The following CYTH3 variants were observed in gnomAD, a reference collection of about 807,000 sequenced individuals.
CYTH3 encodes the protein cytohesin-3.
CYTH3 carries 23 observed loss-of-function variants against 55.1 expected under a neutral mutation model. The observed-to-expected ratio is 0.42, with a 90% CI of 0.30 to 0.59. The LOEUF is 0.59. CYTH3 is among the 20% of genes least tolerant of loss of function. The probability of loss-of-function intolerance (pLI) is 0.20; values close to 1 mark genes in which losing one functional copy is unlikely to be tolerated. For synonymous variants in CYTH3, 249 were observed against 194.9 expected (o/e 1.28, Z -2.31); for missense variants, 413 against 524.8 (o/e 0.79, Z 2.08).
At chr7:6,272,414 C>CG in intron 1 of CYTH3, 60 bp downstream of exon 1, 1 of 483,202 alleles carries the variant, frequency 2.1e-6, no homozygotes, top group Non-Finnish European at 3.6e-6. Flanking sequence ...GCCCTCGACC[C>CG]CCAGCCCCCG....
chr7:6,232,199 G>A (rs1271665021), intron 1 of CYTH3, among the ~76,000 whole-genome samples: 2 of 152,050 alleles, frequency 1.3e-5, no homozygotes, highest in Non-Finnish European at 2.9e-5. Context: ...CACAATTCTG[G>A]TTATTGAAAC....
intron 1 of CYTH3, among the ~76,000 whole-genome samples, chr7:6,241,744 GGAAA>G (rs1336603243): frequency 6.6e-6 from 1 of 152,024 alleles, no homozygotes; most frequent in Non-Finnish European, 1.5e-5. Flanking sequence ...CAGTGGGGAG[GGAAA>G]GAAAGGGCTA....
chr7:6,199,085 G>A (rs554739685), intron 1 of CYTH3, among the ~76,000 whole-genome samples: 1 of 152,200 alleles, frequency 6.6e-6, no homozygotes, highest in Non-Finnish European at 1.5e-5. Flanking sequence ...AAGAAGGCAG[G>A]AAATCCTCCA....
At chr7:6,263,416 T>C (rs149730210) in intron 1 of CYTH3, among the ~76,000 whole-genome samples, 51 of 152,312 alleles carry the variant, frequency 3.3e-4, no homozygotes, top group African/African-American at 1.2e-3. Flanking sequence ...ATACTCTAGA[T>C]AAACTCACAT....
chr7:6,166,274 G>C (rs1783006066), intron 9 of CYTH3, among the ~76,000 whole-genome samples: 2 of 152,224 alleles, frequency 1.3e-5, no homozygotes, highest in Admixed American at 1.3e-4. Context: ...ACAAGATCTG[G>C]AGCACACGTG....
At chr7:6,261,797 T>C (rs763290511) in intron 1 of CYTH3, among the ~76,000 whole-genome samples, 9 of 150,562 alleles carry the variant, frequency 6.0e-5, no homozygotes, top group Non-Finnish European at 1.0e-4. Context: ...ATTATCTCTA[T>C]AATTTTTCAC....
chr7:6,272,410 G>GGGGGGGGGGGGGGCCCCC, intron 1 of CYTH3, 64 bp downstream of exon 1: 1 of 1,216,618 alleles, frequency 8.2e-7, no homozygotes, highest in Non-Finnish European at 1.1e-6. Context: ...CCGCGCCCTC[G>GGGGGGGGGGGGGGCCCCC]ACCCCCAGCC....
chr7:6,241,240 A>G (rs1219349229), intron 1 of CYTH3, among the ~76,000 whole-genome samples: 1 of 152,268 alleles, frequency 6.6e-6, no homozygotes, highest in Non-Finnish European at 1.5e-5. Context: ...GAAGTGGAAG[A>G]TAACATTTGC....
intron 1 of CYTH3, among the ~76,000 whole-genome samples, chr7:6,197,588 C>A (rs1004009006): frequency 6.6e-6 from 1 of 152,024 alleles, no homozygotes; most frequent in African/African-American, 2.4e-5. Context: ...GAGGGTGAAG[C>A]AGGAGAAATG....
At position 6,167,158 on chromosome 7, in the gene CYTH3, T is replaced by C. The variant is rs1728236541; in HGVS notation, c.824-1348A>G. Among the ~76,000 whole-genome samples the C allele has an allele frequency of 6.6e-6, 1 of 152,184 alleles. No homozygotes were observed. Among genetic ancestry groups the C allele is most frequent in the Non-Finnish European group, 1.5e-5 (1 of 68,032 alleles). ...CCCACAGCAAGGCCCAAAGTCCTTG[T>C]TGCCCTCGTGTCCCTGTCTCACCGC... On this transcript the variant is annotated intron_variant, in intron 9 of 12. Coordinates refer to ENST00000350796, the MANE Select transcript of CYTH3 (RefSeq NM_004227.4). This position sits in a 1 kb window ranked among gnomAD's most constrained non-coding sequence, Gnocchi z 5.5.
chr7:6,210,792 A>C (rs1784304174), intron 1 of CYTH3, among the ~76,000 whole-genome samples: 2 of 152,302 alleles, frequency 1.3e-5, no homozygotes, highest in Non-Finnish European at 2.9e-5. Flanking sequence ...CCTCCTCAGC[A>C]TCTTTAACTA....
chr7:6,184,167 T>C (rs1046230416), intron 4 of CYTH3, among the ~76,000 whole-genome samples: 1 of 147,148 alleles, frequency 6.8e-6, no homozygotes, highest in African/African-American at 2.5e-5. Context: ...TTCACGCCAT[T>C]CTCCTGCCTC....
At chr7:6,190,596 G>A (rs745501093) in intron 1 of CYTH3, 65 bp from the exon 2 acceptor site, 293 of 1,306,408 alleles carry the variant, frequency 2.2e-4, no homozygotes, top group Middle Eastern at 3.7e-4. Flanking sequence ...GCAAGGTTGA[G>A]GTGGGTACAT....
At chr7:6,176,068 T>C (rs1426340918) in intron 5 of CYTH3, among the ~76,000 whole-genome samples, 1 of 152,180 alleles carries the variant, frequency 6.6e-6, no homozygotes, top group Admixed American at 6.5e-5. Context: ...GAACATGGGA[T>C]GCTTTTCCAT....
At chr7:6,223,681 G>C (rs994135025) in intron 1 of CYTH3, among the ~76,000 whole-genome samples, 1 of 151,718 alleles carries the variant, frequency 6.6e-6, no homozygotes, top group Non-Finnish European at 1.5e-5. Flanking sequence ...AAGTACCCAG[G>C]GACACAAACA....
chr7:6,179,753 A>ACCCCCACCACC (rs1783446108), intron 4 of CYTH3, among the ~76,000 whole-genome samples: 3 of 84,274 alleles, frequency 3.6e-5, no homozygotes, highest in African/African-American at 1.0e-4. Context: ...CACACCCCAC[A>ACCCCCACCACC]CCCCCACCAC....
At chr7:6,265,955 A>T (rs975071336) in intron 1 of CYTH3, among the ~76,000 whole-genome samples, 1 of 147,678 alleles carries the variant, frequency 6.8e-6, no homozygotes, top group Non-Finnish European at 1.5e-5. Flanking sequence ...GACCTAAAAA[A>T]TGCAACAGAA....
At position 6,170,520 on chromosome 7, in the gene CYTH3, G is replaced by A. The variant is rs1394317246; in HGVS notation, c.823+15C>T. ...AGAGGGGTCACGCCCGGGTCCCGCT[G>A]GGCCGGCGGCTCACCCAGCTTCAGG... On this transcript the variant is annotated intron_variant, in intron 9 of 12. Transcript: ENST00000350796. The surrounding 1 kb of genome is among the most constrained non-coding windows in gnomAD (Gnocchi z 7.8). 2 of 1,612,416 alleles carry A rather than the reference G, an allele frequency of 1.2e-6. No homozygotes were observed. Among genetic ancestry groups the A allele is most frequent in the East Asian group, 2.2e-5 (1 of 44,880 alleles).
intron 1 of CYTH3, among the ~76,000 whole-genome samples, chr7:6,224,602 A>G (rs1379568506): frequency 6.6e-6 from 1 of 152,228 alleles, no homozygotes; most frequent in East Asian, 1.9e-4. Context: ...ACCATCATAC[A>G]TTGCTGGCGT....
Sources: gnomAD v4.1 joint callset for allele counts (sites outside exome capture counted in the v4.1 genomes callset) on GRCh38, gnomAD v4.1.1 for gene constraint, Gnocchi (gnomAD v3.1) non-coding constraint, MANE v1.5 for transcripts, NCBI Gene and HGNC (gene_info 2026-07-23, HGNC 2026-07-21) for gene names.